The following CCNY variants were observed in gnomAD, a reference collection of about 807,000 sequenced individuals.
The protein encoded by CCNY is cyclin Y, also known as cyclin-Y.
A neutral mutation model predicts 42.8 loss-of-function variants in CCNY; 19 were observed. The observed-to-expected ratio is 0.44, with a 90% confidence interval of 0.31 to 0.65. The LOEUF (loss-of-function observed/expected upper bound fraction) is 0.65, where lower values mean the gene tolerates loss of function less well. Ranked by LOEUF, CCNY falls within the 30% of genes least tolerant of loss-of-function variation. The pLI, the probability that CCNY is intolerant of heterozygous loss-of-function variation, is 0.07. For synonymous variants in CCNY, 165 were observed against 162.7 expected (o/e 1.01, Z -0.11); for missense variants, 370 against 437.3 (o/e 0.85, Z 1.37).
At chr10:35,516,660 CCTTTTTTTTTTTT>C (rs1029938631) in intron 4 of CCNY, 37 bp downstream of exon 4, 2 of 533,902 alleles carry the variant, frequency 3.7e-6, no homozygotes, top group African/African-American at 6.8e-5. Context: ...TTCCTTCCTT[CCTTTTTTTTTTTT>C]TTTTTTTTTT....
intron 1 of CCNY, among the ~76,000 whole-genome samples, chr10:35,446,061 A>G (rs1838783876): frequency 6.6e-6 from 1 of 152,136 alleles, no homozygotes; most frequent in Admixed American, 6.5e-5. Flanking sequence ...CTCCTTAAAC[A>G]TTTTGTGGTT....
intron 3 of CCNY, among the ~76,000 whole-genome samples, chr10:35,330,756 A>ATT (rs1247357767): frequency 9.8e-5 from 14 of 142,722 alleles, no homozygotes; most frequent in African/African-American, 2.6e-4. Flanking sequence ...GGCAGCTTTT[A>ATT]TTTTTTTTTT....
intron 1 of CCNY, among the ~76,000 whole-genome samples, chr10:35,363,916 C>T (rs1184206131): frequency 8.6e-5 from 13 of 152,000 alleles, no homozygotes; most frequent in Non-Finnish European, 1.9e-4. Flanking sequence ...TGGAGAAGAG[C>T]GGAGAAAGAT....
At chr10:35,253,339 T>A (rs35965004) in intron 3 of CCNY, among the ~76,000 whole-genome samples, 15,869 of 151,450 alleles carry the variant, frequency 0.1, 1,052 homozygotes, top group Middle Eastern at 0.17. Context: ...AGCATCCAGC[T>A]CCTGGGCTCA....
At chr10:35,547,262 A>T (rs1841135248) in intron 7 of CCNY, among the ~76,000 whole-genome samples, 1 of 152,204 alleles carries the variant, frequency 6.6e-6, no homozygotes, top group Non-Finnish European at 1.5e-5. Context: ...TTAATATAAT[A>T]AATGCCGTTA....
chr10:35,418,937 C>A (rs1339220433), intron 1 of CCNY, among the ~76,000 whole-genome samples: 1 of 152,048 alleles, frequency 6.6e-6, no homozygotes, highest in East Asian at 1.9e-4. Flanking sequence ...TCTTGTGCCT[C>A]AGCCTCCCGA....
intron 1 of CCNY, among the ~76,000 whole-genome samples, chr10:35,481,694 T>G (rs1345561): frequency 0.37 from 56,867 of 152,008 alleles, 11,178 homozygotes; most frequent in African/African-American, 0.49. Context: ...ATGTGTTAAG[T>G]TTCTTGGACA....
intron 3 of CCNY, among the ~76,000 whole-genome samples, chr10:35,270,278 G>A (rs1835146762): frequency 6.6e-6 from 1 of 152,122 alleles, no homozygotes; most frequent in African/African-American, 2.4e-5. Context: ...TCATGACCCA[G>A]TCCCCTCCAA....
chr10:35,322,781 T>A (rs1236765057), intron 3 of CCNY, among the ~76,000 whole-genome samples: 1 of 152,076 alleles, frequency 6.6e-6, no homozygotes, highest in Non-Finnish European at 1.5e-5. Context: ...AAAACCACAG[T>A]GAGATACCAC....
rs779988129 is a variant in CCNY, at chr10:35,382,942, A to G, written c.154+45735A>G. Among the ~76,000 whole-genome samples, 15 of 152,206 alleles carry G rather than the reference A, an allele frequency of 9.9e-5. No homozygotes were observed. In the South Asian group the frequency reaches 1.0e-3, roughly 11 times the overall value. On this transcript the variant is annotated intron_variant, in intron 1 of 9. Transcript: ENST00000374704. ...ACTCATGACCAGTAGAGAGTCAACC[A>G]TACTACACTCTGTGTACCCTTAGTA...
intron 1 of CCNY, among the ~76,000 whole-genome samples, chr10:35,447,336 C>T (rs934783452): frequency 6.6e-6 from 1 of 152,130 alleles, no homozygotes; most frequent in African/African-American, 2.4e-5. Context: ...GCTTTGTAAG[C>T]AGGACTTTCA....
chr10:35,382,136 G>A (rs112924095), intron 1 of CCNY, among the ~76,000 whole-genome samples: 4,262 of 152,222 alleles, frequency 0.028, 168 homozygotes, highest in African/African-American at 0.088. Flanking sequence ...TCTGTGATTC[G>A]TTTTTAAGTG....
intron 3 of CCNY, among the ~76,000 whole-genome samples, chr10:35,319,032 G>C (rs1180181633): frequency 6.6e-6 from 1 of 152,040 alleles, no homozygotes; most frequent in Non-Finnish European, 1.5e-5. Flanking sequence ...GCGGGATCAC[G>C]GCTCACCGAA....
At chr10:35,368,067 T>G (rs1289983342) in intron 1 of CCNY, among the ~76,000 whole-genome samples, 1 of 152,256 alleles carries the variant, frequency 6.6e-6, no homozygotes, top group Non-Finnish European at 1.5e-5. Flanking sequence ...GGATAGAGTC[T>G]GCAATTGATT....
In CCNY at chr10:35,548,381, C is replaced by T. The variant is rs564557655; in HGVS notation, c.580-4638C>T. Among the ~76,000 whole-genome samples, 112 of 151,404 alleles carry T rather than the reference C, an allele frequency of 7.4e-4. No individual in the cohort carries two copies. In the Middle Eastern group the frequency reaches 0.014, roughly 19 times the overall value. Reference sequence around the variant, plus strand: ...TTTCACGATCTTGGCTCACTGCAGCCTCCGCCTCCCGGGTTCAAGCAGTTC... The same window carrying T: ...TTTCACGATCTTGGCTCACTGCAGCTTCCGCCTCCCGGGTTCAAGCAGTTC... On this transcript the variant is annotated intron_variant, in intron 7 of 9. Transcript: ENST00000374704.
intron 3 of CCNY, among the ~76,000 whole-genome samples, chr10:35,298,709 G>A (rs1835499758): frequency 6.6e-6 from 1 of 152,116 alleles, no homozygotes; most frequent in Non-Finnish European, 1.5e-5. Flanking sequence ...TTTTTGCGGA[G>A]ACAGGGTTTC....
chr10:35,552,105 CAG>C (rs979417626), intron 7 of CCNY, among the ~76,000 whole-genome samples: 13 of 152,294 alleles, frequency 8.5e-5, no homozygotes, highest in Non-Finnish European at 1.3e-4. Flanking sequence ...AATAGCCACA[CAG>C]GGGGAACAGC....
chr10:35,332,894 G>A (rs748147699), upstream of CCNY, among the ~76,000 whole-genome samples: 10 of 152,132 alleles, frequency 6.6e-5, no homozygotes, highest in Non-Finnish European at 8.8e-5. Flanking sequence ...GTGAACCACC[G>A]CGCCCGGCCC....
rs1005844173 is a variant in CCNY at position 35,571,857 on chromosome 10, C to A, written c.*2687C>A. 6.6e-5 allele frequency: 10 copies of A among 152,202 alleles called. No homozygotes were observed. The highest frequency in any genetic ancestry group is 7.4e-5 in the Non-Finnish European group (5 of 68,020). The allele number at this position is 152,202 out of a possible 1,614,324, so 9.4% of individuals were successfully genotyped here. On this transcript the variant is annotated 3_prime_UTR_variant, in exon 10 of 10. Coordinates refer to ENST00000374704, the MANE Select transcript of CCNY (RefSeq NM_145012.6). ...TTGTCATTAAGGATGAAGGAAACGA[C>A]ACAATTTGTTACTTTAATTTTATAT...
Sources: gnomAD v4.1 joint callset for allele counts (sites outside exome capture counted in the v4.1 genomes callset) on GRCh38, gnomAD v4.1.1 for gene constraint, MANE v1.5 for transcripts, NCBI Gene and HGNC (gene_info 2026-07-23, HGNC 2026-07-21) for gene names.